RBMS3: variants seen among roughly 807,000 people sequenced by gnomAD.
RBMS3 encodes the protein RNA binding motif single stranded interacting protein 3.
A neutral mutation model predicts 66.8 loss-of-function variants in RBMS3; 27 were observed. The ratio of observed to expected loss-of-function variants is 0.40; its 90% CI spans 0.30 to 0.56. RBMS3 has a LOEUF of 0.56. Ranked by LOEUF, RBMS3 falls within the 20% of genes least tolerant of loss-of-function variation. The probability of loss-of-function intolerance (pLI) is 0.40; values close to 1 mark genes in which losing one functional copy is unlikely to be tolerated. For synonymous variants in RBMS3, 188 were observed against 183.0 expected, an observed-to-expected ratio of 1.03 and a Z score of -0.22; for missense variants, 513 against 549.5, an observed-to-expected ratio of 0.93 and a Z score of 0.66.
intron 1 of RBMS3, among the ~76,000 whole-genome samples, chr3:29,299,219 A>G (rs2033499671): frequency 1.3e-5 from 2 of 152,020 alleles, no homozygotes; most frequent in East Asian, 2.0e-4. Context: ...AAGTAGAAAC[A>G]TAATACAGGC....
chr3:29,676,221 A>G (rs1485381929), intron 4 of RBMS3, among the ~76,000 whole-genome samples: 1 of 152,196 alleles, frequency 6.6e-6, no homozygotes, highest in Non-Finnish European at 1.5e-5. Context: ...TGGGAACTGA[A>G]CAATGAGAAC....
chr3:29,920,486 C>T (rs779463390), intron 10 of RBMS3, among the ~76,000 whole-genome samples: 3 of 152,154 alleles, frequency 2.0e-5, no homozygotes, highest in Admixed American at 6.5e-5. Flanking sequence ...CATACTACTA[C>T]TTTCATCCAA....
intron 1 of RBMS3, among the ~76,000 whole-genome samples, chr3:29,355,242 C>T (rs2037150424): frequency 6.6e-6 from 1 of 152,096 alleles, no homozygotes; most frequent in Non-Finnish European, 1.5e-5. Flanking sequence ...GAATACATAA[C>T]TGGTTTTCAC....
chr3:29,944,036 G>C (rs1300327363), intron 11 of RBMS3, among the ~76,000 whole-genome samples, 171 bp from the exon 12 acceptor site: 1 of 151,718 alleles, frequency 6.6e-6, no homozygotes, highest in Non-Finnish European at 1.5e-5. Flanking sequence ...TGGTAATAGG[G>C]ACCATGGTAT....
At chr3:29,498,233 G>T (rs2043835992) in intron 3 of RBMS3, among the ~76,000 whole-genome samples, 2 of 151,698 alleles carry the variant, frequency 1.3e-5, no homozygotes, top group South Asian at 2.1e-4. Flanking sequence ...GACCTCAGGT[G>T]ATCCACCTGC....
At chr3:29,637,151 A>T (rs150434115) in intron 4 of RBMS3, among the ~76,000 whole-genome samples, 402 of 151,910 alleles carry the variant, frequency 2.6e-3, no homozygotes, top group African/African-American at 9.1e-3. Context: ...CTCATTTGTG[A>T]GTTTATTTCT....
At chr3:29,485,293 A>G (rs1415757128) in intron 2 of RBMS3, among the ~76,000 whole-genome samples, 7 of 152,200 alleles carry the variant, frequency 4.6e-5, no homozygotes, top group African/African-American at 1.7e-4. Flanking sequence ...AAGTTGATAG[A>G]CAATATATAC....
At chr3:29,927,253 C>T (rs1351960356) in intron 10 of RBMS3, 1 of 152,168 alleles carries the variant, frequency 6.6e-6, no homozygotes, top group African/African-American at 2.4e-5. Flanking sequence ...TCTGGTATTT[C>T]CATTGAATCT....
At chr3:29,355,974 G>T (rs1264066090) in intron 1 of RBMS3, among the ~76,000 whole-genome samples, 1 of 151,994 alleles carries the variant, frequency 6.6e-6, no homozygotes, top group African/African-American at 2.4e-5. Context: ...CCATTGATAG[G>T]ATATCTATCG....
At chr3:29,839,799 A>C (rs2058618498) in intron 6 of RBMS3, among the ~76,000 whole-genome samples, 1 of 151,858 alleles carries the variant, frequency 6.6e-6, no homozygotes, top group South Asian at 2.1e-4. Context: ...AATATTATAA[A>C]ATAGTTATTA....
At chr3:29,730,065 A>G (rs1271338490) in intron 4 of RBMS3, among the ~76,000 whole-genome samples, 3 of 152,208 alleles carry the variant, frequency 2.0e-5, no homozygotes, top group Middle Eastern at 3.4e-3. Context: ...CTTACCTAAC[A>G]ACAAATAGTT....
In RBMS3 at chr3:29,625,739, A is replaced by AATAAATAAGTGAATAT. The variant is rs150565021; in HGVS notation, c.399+38535_399+38536insTAAATAAGTGAATATA. Among the ~76,000 whole-genome samples the AATAAATAAGTGAATAT allele has an allele frequency of 3.3e-4, 49 of 150,200 alleles. 1 individual carries two copies. Among genetic ancestry groups the AATAAATAAGTGAATAT allele is most frequent in the Admixed American group, 5.3e-4 (8 of 15,088 alleles). On this transcript the variant is annotated intron_variant, in intron 4 of 14. Transcript: ENST00000383767. ...AAATAAATAAATAAATAAATAAATA[A>AATAAATAAGTGAATAT]AAATAATCTTTTCTTGGTGAAGCTT...
At chr3:29,469,767 T>G (rs2042658542) in intron 2 of RBMS3, among the ~76,000 whole-genome samples, 1 of 151,240 alleles carries the variant, frequency 6.6e-6, no homozygotes, top group Admixed American at 6.6e-5. Flanking sequence ...GCAGATAAAA[T>G]GTCTGTGGGG....
intron 10 of RBMS3, among the ~76,000 whole-genome samples, chr3:29,902,387 G>T (rs1577103665): frequency 6.6e-6 from 1 of 151,858 alleles, no homozygotes; most frequent in Middle Eastern, 3.4e-3. Flanking sequence ...AAAGTTGAAA[G>T]TAAGCAACTT....
intron 10 of RBMS3, among the ~76,000 whole-genome samples, chr3:29,912,384 A>G (rs936296220): frequency 3.9e-5 from 6 of 152,084 alleles, no homozygotes; most frequent in Non-Finnish European, 7.4e-5. Context: ...AATCAAACCC[A>G]ACTTATTAGG....
chr3:29,656,742 C>T (rs10510623), intron 4 of RBMS3, among the ~76,000 whole-genome samples: 5,546 of 152,138 alleles, frequency 0.036, 120 homozygotes, highest in African/African-American at 0.053. Context: ...AGGCTCTGAC[C>T]CATAACCGTT....
At chr3:29,710,733 A>G (rs1480714843) in intron 4 of RBMS3, among the ~76,000 whole-genome samples, 3 of 152,204 alleles carry the variant, frequency 2.0e-5, no homozygotes, top group Non-Finnish European at 4.4e-5. Context: ...ACGTGTTTTT[A>G]AACCTCTGAG....
intron 6 of RBMS3, among the ~76,000 whole-genome samples, chr3:29,775,132 G>A (rs1447722090): frequency 2.0e-5 from 3 of 151,816 alleles, no homozygotes; most frequent in African/African-American, 4.8e-5. Context: ...TTTAAAATAC[G>A]CTCTCACTTT....
intron 11 of RBMS3, among the ~76,000 whole-genome samples, chr3:29,940,958 C>G (rs2061380868): frequency 6.6e-6 from 1 of 151,834 alleles, no homozygotes; most frequent in African/African-American, 2.4e-5. Context: ...GGAGATTTTA[C>G]TGTGTTATGA....
Sources: allele counts gnomAD v4.1 joint callset (sites outside exome capture counted in the v4.1 genomes callset), GRCh38; gene constraint gnomAD v4.1.1; transcripts MANE v1.5; gene names NCBI Gene and HGNC (gene_info 2026-07-23, HGNC 2026-07-21).